Variants in PSG2 observed in about 807,000 individuals in gnomAD.
PSG2 encodes the protein pregnancy specific beta-1-glycoprotein 2, also known as pregnancy-specific beta-1-glycoprotein 2.
Under a neutral mutation model 36.2 loss-of-function variants are expected in PSG2, and 49 were observed. The observed-to-expected ratio is 1.35, with a 90% CI of 1.08 to 1.72. The LOEUF (loss-of-function observed/expected upper bound fraction) is 1.72. Among genes scored for constraint, PSG2 ranks in the 40% most tolerant of loss-of-function variants. The pLI is 0.00. For missense variants in PSG2, 605 were observed against 407.2 expected (o/e 1.49, Z -4.18); for synonymous variants, 261 against 155.6 (o/e 1.68, Z -5.04).
Position 43,072,073 on chromosome 19 carries a change from C to G in PSG2, c.710-119G>C, listed in dbSNP as rs1325998333. On this transcript the variant is annotated intron_variant, in intron 3 of 5. Coordinates refer to ENST00000406487, the MANE Select transcript of PSG2 (RefSeq NM_031246.4). ...GACACATCCTCAAGTCCCAGCAAAACCCCCTCTATGTTCACTGAGCCGAAC... is the reference window on the plus strand; with the variant it reads ...GACACATCCTCAAGTCCCAGCAAAAGCCCCTCTATGTTCACTGAGCCGAAC... The G allele has an allele frequency of 1.4e-5, 20 of 1,448,364 alleles. No homozygotes were observed. The Middle Eastern group carries it at 6.0e-4, about 43-fold the overall frequency. The allele number at this position is 1,448,364 out of a possible 1,614,324, so 89.7% of individuals were successfully genotyped here. A position where few individuals can be genotyped will look rare whatever the true frequency, so the allele number is the denominator to read the frequency against.
Position 43,075,412 on chromosome 19 carries a change from A to C in PSG2, c.651T>G (p.Cys217Trp), listed in dbSNP as rs2122908505. ...TGGCACTCCCTGAGTTCCGTATTTC[A>C]CATTCATAGGGTCCTGCAGTATACT... ...VTKYTAGPYECEIRNSGSASR... is the reference protein window; with the variant it reads ...VTKYTAGPYEWEIRNSGSASR... The change falls in exon 3 of 6, where the codon TGT becomes TGG. Residue 217 changes from cysteine to tryptophan, a missense_variant. Transcript: ENST00000406487. The C allele has an allele frequency of 6.2e-7, 1 of 1,613,158 alleles. No homozygotes were observed. The highest frequency in any genetic ancestry group is 8.5e-7 in the Non-Finnish European group (1 of 1,179,666).
chr19:43,080,380 A>G (rs1258714570), intron 2 of PSG2, among the ~76,000 whole-genome samples: 4 of 151,766 alleles, frequency 2.6e-5, no homozygotes, highest in Non-Finnish European at 5.9e-5. Context: ...CAGTCCTCAG[A>G]CAGCTGGTAA....
intron 5 of PSG2, chr19:43,065,569 G>A (rs1356958897): frequency 6.6e-6 from 1 of 151,636 alleles, no homozygotes; most frequent in East Asian, 1.9e-4. Context: ...ATTCCAATGT[G>A]TAGCTCTATT....
intron 5 of PSG2, among the ~76,000 whole-genome samples, chr19:43,064,906 A>G (rs543753316): frequency 1.3e-5 from 2 of 151,862 alleles, no homozygotes; most frequent in South Asian, 2.1e-4. Flanking sequence ...ATCTGAGTTC[A>G]CTGCAAGCTC....
intron 3 of PSG2, chr19:43,072,401 C>G: frequency 6.2e-7 from 1 of 1,612,568 alleles, no homozygotes; most frequent in Non-Finnish European, 8.5e-7. Context: ...ATATCGGTCC[C>G]GTATTTCACA....
At position 43,075,383 on chromosome 19, in the gene PSG2, C is replaced by T. The variant is rs746390233; in HGVS notation, c.680G>A (p.Arg227His). 30 of 1,612,966 alleles carry T rather than the reference C, an allele frequency of 1.9e-5. No individual in the cohort carries two copies. The highest frequency in any genetic ancestry group is 2.7e-5 in the African/African-American group (2 of 74,442). The change falls in exon 3 of 6, where the codon CGC (arginine) becomes CAC (histidine). Residue 227 changes from arginine to histidine, a missense_variant. Coordinates refer to ENST00000406487, the MANE Select transcript of PSG2 (RefSeq NM_031246.4). Reference protein sequence around the residue: ...CEIRNSGSASRSDPVTLNLLH... With the variant: ...CEIRNSGSASHSDPVTLNLLH... ...GAGATTCAGGGTGACTGGGTCACTG[C>T]GGCTGGCACTCCCTGAGTTCCGTAT...
chr19:43,067,642 G>C (rs1599704336), intron 4 of PSG2, among the ~76,000 whole-genome samples: 1 of 151,308 alleles, frequency 6.6e-6, no homozygotes, highest in Non-Finnish European at 1.5e-5. Context: ...CATATGGCTA[G>C]TGACAGGGGG....
intron 5 of PSG2, chr19:43,065,615 AT>A (rs1202685732): frequency 4.0e-5 from 6 of 151,154 alleles, no homozygotes; most frequent in Non-Finnish European, 5.9e-5. Flanking sequence ...GTGGCATTCA[AT>A]TTTTTCTATT....
intron 1 of PSG2, chr19:43,082,228 C>T (rs1967990750): frequency 3.0e-6 from 1 of 338,488 alleles, no homozygotes; most frequent in African/African-American, 2.3e-5. Context: ...GCAACTTCTG[C>T]CTCCTGGGTT....
At chr19:43,072,568 T>A in intron 3 of PSG2, 1 of 1,611,420 alleles carries the variant, frequency 6.2e-7, no homozygotes. Flanking sequence ...TGAAGGCTAA[T>A]ACATCCTTAT....
chr19:43,082,082 C>T (rs1967985346), intron 1 of PSG2: 1 of 162,690 alleles, frequency 6.1e-6, no homozygotes, highest in Admixed American at 6.1e-5. Flanking sequence ...CCTATCCAGG[C>T]TCCAACAGAG....
Position 43,075,356 on chromosome 19 carries a change from A to G in PSG2, c.707T>C (p.Leu236Pro). ...ACAGAGGAACAGAAGATACTCACGG[A>G]GGAGATTCAGGGTGACTGGGTCACT... Reference protein sequence around the residue: ...SRSDPVTLNLLHGPDLPRIHP... With the variant: ...SRSDPVTLNLPHGPDLPRIHP... Residue 236 changes from leucine to proline, a missense_variant and splice_region_variant, in exon 3 of 6, where the codon CTC becomes CCC. Leu to Pro is a moderately conservative substitution (Grantham distance 98). Transcript: ENST00000406487. 1 of 1,613,110 alleles carries G rather than the reference A, an allele frequency of 6.2e-7. No homozygotes were observed. The highest frequency in any genetic ancestry group is 8.5e-7 in the Non-Finnish European group (1 of 1,179,602).
intron 4 of PSG2, among the ~76,000 whole-genome samples, chr19:43,068,580 A>G (rs1437160562): frequency 2.0e-5 from 3 of 151,776 alleles, no homozygotes; most frequent in Admixed American, 6.6e-5. Context: ...GATAACCTAG[A>G]TGAAATAGAC....
chr19:43,065,783 C>T (rs911309483), intron 5 of PSG2: 1 of 151,874 alleles, frequency 6.6e-6, no homozygotes, highest in African/African-American at 2.4e-5. Flanking sequence ...TTCTGAGTCT[C>T]AGGTTCACAT....
At chr19:43,064,634 AT>A (rs1219072301) in intron 5 of PSG2, 33 bp from the exon 6 acceptor site, 4 of 600,398 alleles carry the variant, frequency 6.7e-6, no homozygotes, top group Non-Finnish European at 1.3e-5. Context: ...ACTGTAGGTG[AT>A]TGTAAGTAGT....
chr19:43,076,126 TGGGACTG>T (rs1280632024), intron 2 of PSG2, among the ~76,000 whole-genome samples: 3 of 151,814 alleles, frequency 2.0e-5, no homozygotes, highest in East Asian at 3.9e-4. Context: ...AAGCCTGGCC[TGGGACTG>T]GGTACTTCAG....
chr19:43,080,433 GC>G (rs1470185449), intron 2 of PSG2, among the ~76,000 whole-genome samples: 3 of 151,794 alleles, frequency 2.0e-5, no homozygotes, highest in African/African-American at 7.3e-5. Flanking sequence ...CCACAACCCA[GC>G]CCTGGCACAG....
At chr19:43,065,166 A>ATAT (rs1381880196) in intron 5 of PSG2, among the ~76,000 whole-genome samples, 1 of 151,658 alleles carries the variant, frequency 6.6e-6, no homozygotes, top group East Asian at 1.9e-4. Context: ...ATTCCCATAA[A>ATAT]TATTATTTAG....
intron 2 of PSG2, among the ~76,000 whole-genome samples, chr19:43,076,034 T>A (rs1358885533): frequency 6.6e-6 from 1 of 151,646 alleles, no homozygotes; most frequent in Admixed American, 6.6e-5. Flanking sequence ...AGGTATGTTT[T>A]CTCTGCAGCT....
Sources: gnomAD v4.1 joint callset for allele counts (sites outside exome capture counted in the v4.1 genomes callset) on GRCh38, gnomAD v4.1.1 for gene constraint, MANE v1.5 for transcripts, NCBI Gene and HGNC (gene_info 2026-07-23, HGNC 2026-07-21) for gene names.